Variants in MDGA2 observed in about 807,000 individuals in gnomAD.
The protein encoded by MDGA2 is MAM domain containing glycosylphosphatidylinositol anchor 2.
Under a neutral mutation model 117.8 loss-of-function variants are expected in MDGA2, and 40 were observed. The ratio of observed to expected loss-of-function variants is 0.34; its 90% confidence interval spans 0.26 to 0.44. The LOEUF (loss-of-function observed/expected upper bound fraction) is 0.44. Ranked by LOEUF, MDGA2 falls within the 20% of genes least tolerant of loss-of-function variation. MDGA2 has a pLI of 1.00. For synonymous variants in MDGA2, 452 were observed against 439.0 expected, an observed-to-expected ratio of 1.03 and a Z score of -0.37; for missense variants, 1,123 against 1,250.6, an observed-to-expected ratio of 0.90 and a Z score of 1.54.
At chr14:47,084,624 C>A (rs1316817750) in intron 6 of MDGA2, among the ~76,000 whole-genome samples, 1 of 152,102 alleles carries the variant, frequency 6.6e-6, no homozygotes, top group African/African-American at 2.4e-5. Flanking sequence ...CCACCCTAAC[C>A]CATTTGTGAT....
In MDGA2 at chr14:47,251,931, G is replaced by GTAT. The variant is rs137890834; in HGVS notation, c.421-33739_421-33737dup. ...ACTCAGAACAAGGTTGGTTTCTCTT[G>GTAT]TATTATTATTATTATTATTATTATT... is the stretch of plus-strand genomic sequence containing the variant. On this transcript the variant is annotated intron_variant, in intron 2 of 16. Transcript: ENST00000399232. Among the ~76,000 whole-genome samples, 1,496 of 150,424 alleles carry GTAT rather than the reference G, an allele frequency of 9.9e-3. 23 individuals are homozygous for GTAT. The highest frequency in any genetic ancestry group is 0.03 in the African/African-American group (1,234 of 41,082).
chr14:47,265,735 C>T (rs1439729368), intron 2 of MDGA2, among the ~76,000 whole-genome samples: 1 of 152,000 alleles, frequency 6.6e-6, no homozygotes, highest in Non-Finnish European at 1.5e-5. Context: ...AATCACAACT[C>T]CACTGTAAGG....
At chr14:46,979,332 A>G (rs1886582008) in intron 8 of MDGA2, among the ~76,000 whole-genome samples, 1 of 152,022 alleles carries the variant, frequency 6.6e-6, no homozygotes, top group Non-Finnish European at 1.5e-5. Flanking sequence ...CTGAGACACA[A>G]CAGTGTTGAA....
Position 47,223,085 on chromosome 14 carries a change from C to T in MDGA2, c.421-4890G>A, listed in dbSNP as rs572343062. 7.2e-4 allele frequency among the ~76,000 whole-genome samples: 109 copies of T among 152,202 alleles called. 1 individual carries two copies. The highest frequency in any genetic ancestry group is 2.3e-3 in the African/African-American group (97 of 41,534). On this transcript the variant is annotated intron_variant, in intron 2 of 16. Transcript: ENST00000399232. The stretch of plus-strand genomic sequence containing the variant: ...AGAGAAAATGAGAAAGAAGCAAAAG[C>T]GGAAACACCTGATAAACCCGTCAGA...
chr14:47,172,483 C>T (rs1428922693), intron 3 of MDGA2, among the ~76,000 whole-genome samples: 2 of 152,130 alleles, frequency 1.3e-5, no homozygotes, highest in African/African-American at 2.4e-5. Context: ...GCAGCATTCG[C>T]GGTTCACGAA....
chr14:46,916,452 T>C (rs914085671), intron 10 of MDGA2, among the ~76,000 whole-genome samples: 5 of 151,982 alleles, frequency 3.3e-5, no homozygotes, highest in African/African-American at 1.2e-4. Flanking sequence ...TTTCCATTAA[T>C]GCCTTTGTTT....
chr14:47,628,291 TG>T (rs1196978922), intron 1 of MDGA2, among the ~76,000 whole-genome samples: 3 of 152,202 alleles, frequency 2.0e-5, no homozygotes, highest in Non-Finnish European at 4.4e-5. Flanking sequence ...TGTGTAATTA[TG>T]GGCCTATTTG....
intron 8 of MDGA2, among the ~76,000 whole-genome samples, chr14:46,983,602 T>C (rs1886762430): frequency 6.6e-6 from 1 of 152,178 alleles, no homozygotes; most frequent in Non-Finnish European, 1.5e-5. Context: ...GTTTAATTTG[T>C]TTAGTCTCCT....
At chr14:47,566,096 T>C (rs1256783648) in intron 1 of MDGA2, among the ~76,000 whole-genome samples, 2 of 152,176 alleles carry the variant, frequency 1.3e-5, no homozygotes, top group East Asian at 1.9e-4. Context: ...CCTGCACATA[T>C]GCACACAAGC....
chr14:47,110,697 C>A (rs76021301), intron 5 of MDGA2, among the ~76,000 whole-genome samples: 22,920 of 152,054 alleles, frequency 0.15, 1,838 homozygotes, highest in Admixed American at 0.2. Flanking sequence ...CCTCTGTTTG[C>A]TCTTCTAAAA....
At chr14:47,128,225 AG>A (rs1882002420) in intron 5 of MDGA2, among the ~76,000 whole-genome samples, 1 of 152,048 alleles carries the variant, frequency 6.6e-6, no homozygotes, top group Admixed American at 6.6e-5. Flanking sequence ...ATTATGTGTC[AG>A]ATGATAGAAA....
chr14:46,859,423 T>G (rs1191468554), intron 14 of MDGA2, among the ~76,000 whole-genome samples: 1 of 152,210 alleles, frequency 6.6e-6, no homozygotes, highest in East Asian at 1.9e-4. Context: ...GATTCAACCC[T>G]GCATATCTTT....
intron 1 of MDGA2, among the ~76,000 whole-genome samples, chr14:47,584,743 T>C (rs907062087): frequency 2.6e-5 from 4 of 151,922 alleles, no homozygotes; most frequent in African/African-American, 9.6e-5. Flanking sequence ...CTAATAAAAT[T>C]CAAACTTCTT....
chr14:47,405,599 A>G (rs1892245267), intron 1 of MDGA2, among the ~76,000 whole-genome samples: 1 of 152,188 alleles, frequency 6.6e-6, no homozygotes, highest in Non-Finnish European at 1.5e-5. Context: ...AAGGTGCAAT[A>G]CTTTGTCCAA....
In MDGA2 at chr14:47,007,775, G is replaced by A. The variant is rs1275106165; in HGVS notation, c.1819+27236C>T. On this transcript the variant is annotated intron_variant, in intron 8 of 16. Transcript: ENST00000399232. Reference sequence around the variant, plus strand: ...CTTGTCCCTCAATTATCTGTTTACTGATATAAATGTGTATCAGATTGTTTT... The same window carrying A: ...CTTGTCCCTCAATTATCTGTTTACTAATATAAATGTGTATCAGATTGTTTT... Among the ~76,000 whole-genome samples the A allele has an allele frequency of 2.0e-5, 3 of 151,728 alleles. No homozygotes were observed. In the East Asian group the frequency reaches 5.8e-4, roughly 29 times the overall value.
chr14:47,477,243 GGATT>G (rs1346704632), intron 1 of MDGA2, among the ~76,000 whole-genome samples: 2 of 151,998 alleles, frequency 1.3e-5, no homozygotes, highest in African/African-American at 4.8e-5. Context: ...CTTGAGACAA[GGATT>G]GATATTCAAT....
At chr14:47,404,497 TAA>T (rs34336561) in intron 1 of MDGA2, among the ~76,000 whole-genome samples, 32 of 147,130 alleles carry the variant, frequency 2.2e-4, no homozygotes, top group Admixed American at 3.4e-4. Flanking sequence ...ATACCAAGTT[TAA>T]AAAAAAAAAA....
At chr14:47,078,318 G>A (rs1890571853) in intron 6 of MDGA2, among the ~76,000 whole-genome samples, 1 of 152,038 alleles carries the variant, frequency 6.6e-6, no homozygotes, top group Non-Finnish European at 1.5e-5. Context: ...TCAATATCCT[G>A]AATTAAGGCT....
intron 3 of MDGA2, among the ~76,000 whole-genome samples, chr14:47,171,683 G>A (rs1884142800): frequency 6.6e-6 from 1 of 152,188 alleles, no homozygotes. Flanking sequence ...GGCCGAATAG[G>A]AACAGCTCCG....
Sources: gnomAD v4.1 joint callset for allele counts (sites outside exome capture counted in the v4.1 genomes callset) on GRCh38, gnomAD v4.1.1 for gene constraint, MANE v1.5 for transcripts, NCBI Gene and HGNC (gene_info 2026-07-23, HGNC 2026-07-21) for gene names.